The following ZNF217 variants were observed in gnomAD, a reference collection of about 807,000 sequenced individuals.
ZNF217 encodes the protein zinc finger protein 217.
A neutral mutation model predicts 73.3 loss-of-function variants in ZNF217; 12 were observed. The ratio of observed to expected loss-of-function variants is 0.16; its 90% CI spans 0.10 to 0.27. The LOEUF is 0.27. Among genes scored for constraint, ZNF217 ranks in the 10% least tolerant of loss-of-function variants. The probability of loss-of-function intolerance (pLI) is 1.00; values close to 1 mark genes in which losing one functional copy is unlikely to be tolerated. For synonymous variants in ZNF217, 588 were observed against 516.4 expected, an observed-to-expected ratio of 1.14 and a Z score of -1.88; for missense variants, 1,195 against 1,327.8, an observed-to-expected ratio of 0.90 and a Z score of 1.55.
chr20:53,593,858 A>G (rs1304524491), upstream of ZNF217: 1 of 19,306 alleles, frequency 5.2e-5, no homozygotes. Context: ...GCGGGCGCGG[A>G]GGGGAGGGGG....
rs775464166 is a variant in ZNF217 at position 53,575,853 on chromosome 20, T to C, written c.2911A>G (p.Arg971Gly). 4 of 1,614,038 alleles carry C rather than the reference T, an allele frequency of 2.5e-6. No individual in the cohort carries two copies. Among genetic ancestry groups the C allele is most frequent in the African/African-American group, 1.3e-5 (1 of 74,906 alleles). Reference sequence around the variant, plus strand: ...TCGACCTCGCTGGAGCTCAGGAACCTTGGTTTGGGAGGCAGCGCCTGCGAC... The same window carrying C: ...TCGACCTCGCTGGAGCTCAGGAACCCTGGTTTGGGAGGCAGCGCCTGCGAC... Reference protein sequence around the residue: ...YPSQALPPKPRFLSSSEVDSP... With the variant: ...YPSQALPPKPGFLSSSEVDSP... Residue 971 changes from arginine (R) to glycine (G), a missense_variant, in exon 4 of 6, where the codon AGG becomes GGG. Physicochemically the swap from Arg to Gly is moderately radical, Grantham distance 125 (BLOSUM62 -2). This residue lies in a region of ZNF217 where 649 missense variants were observed against 642.8 expected (regional missense o/e 1.01). Transcript: ENST00000371471.
chr20:53,589,818 C>CA lies in ZNF217; in HGVS notation c.-343+3937dup, dbSNP rs1433535332. Reference sequence around the variant, plus strand: ...TGATATTCAATAATCAGGCTTCCTTCACCCGAATTTAAGAAATTTCCTGCC... The same window carrying CA: ...TGATATTCAATAATCAGGCTTCCTTCAACCCGAATTTAAGAAATTTCCTGCC... On this transcript the variant is annotated intron_variant, in intron 1 of 5. Transcript: ENST00000371471. Among the ~76,000 whole-genome samples the CA allele has an allele frequency of 2.0e-5, 3 of 152,146 alleles. No homozygotes were observed. The East Asian group carries it at 5.8e-4, about 29-fold the overall frequency.
chr20:53,578,469 A>G lies in ZNF217; in HGVS notation c.1367-19T>C. On this transcript the variant is annotated intron_variant, in intron 2 of 5. Transcript: ENST00000371471. ...TTTTTATCTTAAAGGAAAAACAAAA[A>G]TATTTATATAAGAAGGTAGCTGAAG... 1 of 1,476,098 alleles carries G rather than the reference A, an allele frequency of 6.8e-7. No individual in the cohort carries two copies. The highest frequency in any genetic ancestry group is 9.2e-7 in the Non-Finnish European group (1 of 1,085,056). The allele number at this position is 1,476,098 out of a possible 1,614,324, so 91.4% of individuals were successfully genotyped here. A position where few individuals can be genotyped will look rare whatever the true frequency, so the allele number is the denominator to read the frequency against.
In ZNF217 at chr20:53,582,489, A is replaced by T. The variant is rs774634416; in HGVS notation, c.338T>A (p.Val113Glu). 9 of 1,614,016 alleles carry T rather than the reference A, an allele frequency of 5.6e-6. No individual in the cohort carries two copies. Among genetic ancestry groups the T allele is most frequent in the Non-Finnish European group, 5.9e-6 (7 of 1,180,054 alleles). Residue 113 changes from valine (V) to glutamate (E), a missense_variant, in exon 2 of 6, where the codon GTG (valine) becomes GAG (glutamate). Physicochemically the swap from Val to Glu is moderately radical, Grantham distance 121. Coordinates refer to ENST00000371471, the MANE Select transcript of ZNF217 (RefSeq NM_006526.3). The surrounding 1 kb of genome is among the most constrained non-coding windows in gnomAD (Gnocchi z 4.8). ...EYLSPLDKSQ[V>E]RTEPPKEKNC... Reference sequence around the variant, plus strand: ...CTTTTCCTTGGGAGGTTCTGTTCGCACTTGACTTTTATCAAGCGGACTGAG... The same window carrying T: ...CTTTTCCTTGGGAGGTTCTGTTCGCTCTTGACTTTTATCAAGCGGACTGAG...
chr20:53,586,477 A>C (rs1988697474), intron 1 of ZNF217, among the ~76,000 whole-genome samples: 1 of 152,244 alleles, frequency 6.6e-6, no homozygotes, highest in African/African-American at 2.4e-5. Flanking sequence ...AAACTGCACT[A>C]TTTGGATTTA....
rs748460021 is a variant in ZNF217, at chr20:53,585,095, GAAAAAAAAA to G, written c.-342-1936_-342-1928del. On this transcript the variant is annotated intron_variant, in intron 1 of 5. Coordinates refer to ENST00000371471, the MANE Select transcript of ZNF217 (RefSeq NM_006526.3). ...CAAAATCAAAGTTCAGTGAGAATTT[GAAAAAAAAA>G]AAAAAAAAAAAAAACTAAGTTAGTC... 4.9e-4 allele frequency among the ~76,000 whole-genome samples: 23 copies of G among 46,956 alleles called. 1 individual carries two copies. The highest frequency in any genetic ancestry group is 4.8e-3 in the East Asian group (8 of 1,658). 30.8% of individuals were successfully genotyped at this position (46,956 alleles called of 152,430 possible).
chr20:53,594,784 A>G (rs1181909966), upstream of ZNF217, among the ~76,000 whole-genome samples: 1 of 152,174 alleles, frequency 6.6e-6, no homozygotes, highest in Non-Finnish European at 1.5e-5. Context: ...CAAAAACCTT[A>G]ACGCCGTTGC....
rs758311512 is a variant in ZNF217, at chr20:53,576,753, C to T, written c.2011G>A (p.Ala671Thr). The T allele has an allele frequency of 1.1e-5, 18 of 1,614,060 alleles. No homozygotes were observed. Among genetic ancestry groups the T allele is most frequent in the Non-Finnish European group, 1.4e-5 (16 of 1,180,036 alleles). ...CTTGGCCTGTATCTGCAGTCAGCTG[C>T]GGTCTCCGTTTGCTTCTCTTTGGGG... Reference protein sequence around the residue: ...VSPKEKQTETAADCRYRPSVD... With the variant: ...VSPKEKQTETTADCRYRPSVD... Residue 671 changes from alanine (A) to threonine (T), a missense_variant, in exon 4 of 6, where the codon GCA (alanine) becomes ACA (threonine). Around this residue, in one of 9 missense-constraint regions of ZNF217, gnomAD observed 649 missense variants for 642.8 expected, o/e 1.01. Coordinates refer to ENST00000371471, the MANE Select transcript of ZNF217 (RefSeq NM_006526.3).
chr20:53,576,237 G>T lies in ZNF217; in HGVS notation c.2527C>A (p.Pro843Thr), dbSNP rs754422185. Residue 843 changes from proline to threonine, a missense_variant, in exon 4 of 6, where the codon CCT becomes ACT. Pro to Thr is a conservative substitution (Grantham distance 38). This residue lies in a region of ZNF217 where 649 missense variants were observed against 642.8 expected (regional missense o/e 1.01). Transcript: ENST00000371471. ...GGTGCAGGGGAAACACTGGTTTTAGGAAACATCTCAGATTGCTGTTGCCTG... is the reference window on the plus strand; with the variant it reads ...GGTGCAGGGGAAACACTGGTTTTAGTAAACATCTCAGATTGCTGTTGCCTG... ...ATRQQQSEMF[P>T]KTSVSPAPDK... 1 of 1,614,200 alleles carries T rather than the reference G, an allele frequency of 6.2e-7. No homozygotes were observed. Among genetic ancestry groups the T allele is most frequent in the Non-Finnish European group, 8.5e-7 (1 of 1,180,024 alleles).
At chr20:53,587,252 C>T (rs1988728613) in intron 1 of ZNF217, among the ~76,000 whole-genome samples, 1 of 152,154 alleles carries the variant, frequency 6.6e-6, no homozygotes, top group South Asian at 2.1e-4. Flanking sequence ...TTCTTTAGGT[C>T]ACTAATTACA....
At chr20:53,589,511 G>A (rs1327547374) in intron 1 of ZNF217, among the ~76,000 whole-genome samples, 2 of 152,196 alleles carry the variant, frequency 1.3e-5, no homozygotes, top group African/African-American at 4.8e-5. Context: ...GCTGGCTAGC[G>A]GGGGCTTCCC....
At chr20:53,596,175 C>T (rs1353854748), upstream of ZNF217, among the ~76,000 whole-genome samples, 1 of 151,926 alleles carries the variant, frequency 6.6e-6, no homozygotes, top group East Asian at 1.9e-4. Context: ...CCCCCTGTGC[C>T]CTCCAAAGCT....
chr20:53,575,260 T>A (rs1406231598), intron 4 of ZNF217: 1 of 153,266 alleles, frequency 6.5e-6, no homozygotes, highest in Non-Finnish European at 1.4e-5. Context: ...CGCAGGAGGA[T>A]CACCTCAGGC....
At chr20:53,569,349 T>A in intron 5 of ZNF217, 85 bp from the exon 6 acceptor site, 1 of 1,008,500 alleles carries the variant, frequency 9.9e-7, no homozygotes, top group South Asian at 1.7e-5. Flanking sequence ...GCGTAATACA[T>A]AGAACCAAAC....
chr20:53,583,425 C>A (rs1189599587), intron 1 of ZNF217, among the ~76,000 whole-genome samples: 1 of 152,150 alleles, frequency 6.6e-6, no homozygotes, highest in Non-Finnish European at 1.5e-5. Context: ...CGACTTAAAT[C>A]TAAAATGTCA....
intron 1 of ZNF217, among the ~76,000 whole-genome samples, chr20:53,585,959 G>A: frequency 6.6e-6 from 1 of 152,128 alleles, no homozygotes; most frequent in South Asian, 2.1e-4. Context: ...ACTGTCCTAG[G>A]CTCCCAGGGC....
chr20:53,581,862 G>A lies in ZNF217; in HGVS notation c.965C>T (p.Thr322Ile), dbSNP rs1230363014. The A allele has an allele frequency of 5.6e-6, 9 of 1,614,110 alleles. No homozygotes were observed. In the East Asian group the frequency reaches 6.7e-5, roughly 12 times the overall value. Reference sequence around the variant, plus strand: ...CTCGGAACTCGAATCGTCGTTGTCGGTGCTCCCTTCTTGCCCCGATTCCTT... The same window carrying A: ...CTCGGAACTCGAATCGTCGTTGTCGATGCTCCCTTCTTGCCCCGATTCCTT... Reference protein sequence around the residue: ...EVKESGQEGSTDNDDSSSEKE... With the variant: ...EVKESGQEGSIDNDDSSSEKE... Residue 322 changes from threonine (T) to isoleucine (I), a missense_variant, in exon 2 of 6, where the codon ACC (threonine) becomes ATC (isoleucine). This residue lies in a region of ZNF217 where 102 missense variants were observed against 91.9 expected (regional missense o/e 1.11). Coordinates refer to ENST00000371471, the MANE Select transcript of ZNF217 (RefSeq NM_006526.3). The surrounding 1 kb of genome is among the most constrained non-coding windows in gnomAD (Gnocchi z 4.9).
chr20:53,582,664 T>A lies in ZNF217; in HGVS notation c.163A>T (p.Asn55Tyr), dbSNP rs1204496810. The A allele has an allele frequency of 6.2e-7, 1 of 1,614,116 alleles. No individual in the cohort carries two copies. The highest frequency in any genetic ancestry group is 1.1e-5 in the South Asian group (1 of 91,076). Residue 55 changes from asparagine to tyrosine, a missense_variant, in exon 2 of 6, where the codon AAT becomes TAT. This residue lies in a region of ZNF217 where 147 missense variants were observed against 184.3 expected (regional missense o/e 0.80). Coordinates refer to ENST00000371471, the MANE Select transcript of ZNF217 (RefSeq NM_006526.3). The surrounding 1 kb of genome is among the most constrained non-coding windows in gnomAD (Gnocchi z 4.8). Reference protein sequence around the residue: ...VVPFRATQEKNVIQIEGYMPL... With the variant: ...VVPFRATQEKYVIQIEGYMPL... ...ATATACCCCTCGATTTGGATGACAT[T>A]TTTTTCTTGTGTAGCTCGGAATGGA...
At chr20:53,588,660 C>T (rs796395315) in intron 1 of ZNF217, among the ~76,000 whole-genome samples, 50 of 151,756 alleles carry the variant, frequency 3.3e-4, no homozygotes, top group African/African-American at 1.2e-3. Flanking sequence ...ACTACTAGAC[C>T]ACTACACCAT....
Sources: allele counts gnomAD v4.1 joint callset (sites outside exome capture counted in the v4.1 genomes callset), GRCh38; gene constraint gnomAD v4.1.1; regional missense constraint gnomAD v4.1.1; non-coding constraint Gnocchi (gnomAD v3.1); transcripts MANE v1.5; gene names NCBI Gene and HGNC (gene_info 2026-07-23, HGNC 2026-07-21).